ARSG: variants seen among roughly 807,000 people sequenced by gnomAD.
The protein encoded by ARSG is arylsulfatase G, also known as ASG.
Under a neutral mutation model 50.5 loss-of-function variants are expected in ARSG, and 37 were observed. That is an observed-to-expected ratio of 0.73 (90% CI 0.56 to 0.96). ARSG has a LOEUF of 0.96. ARSG is among the 50% of genes least tolerant of loss of function. ARSG has a pLI of 0.00. For missense variants in ARSG, 629 were observed against 675.3 expected, an observed-to-expected ratio of 0.93 and a Z score of 0.76; for synonymous variants, 225 against 254.6, an observed-to-expected ratio of 0.88 and a Z score of 1.11.
chr17:68,427,927 T>C, the ARSG span, among the ~76,000 whole-genome samples: 6 of 152,202 alleles, frequency 3.9e-5, no homozygotes, highest in Non-Finnish European at 8.8e-5. Flanking sequence ...TCTCACTCTG[T>C]TGCCCAGGCT....
At chr17:68,330,277 G>A (rs2077673201) in intron 2 of ARSG, among the ~76,000 whole-genome samples, 1 of 151,106 alleles carries the variant, frequency 6.6e-6, no homozygotes, top group Non-Finnish European at 1.5e-5. Flanking sequence ...GAGGGGAGGG[G>A]GAATTGGAGA....
intron 8 of ARSG, among the ~76,000 whole-genome samples, chr17:68,375,421 C>A (rs1349922581): frequency 2.6e-5 from 4 of 152,196 alleles, no homozygotes; most frequent in African/African-American, 7.2e-5. Flanking sequence ...CAGAAGCACT[C>A]AGGATGGGTC....
chr17:68,303,038 T>C (rs991907089), intron 1 of ARSG, among the ~76,000 whole-genome samples: 5 of 152,228 alleles, frequency 3.3e-5, no homozygotes, highest in Non-Finnish European at 7.4e-5. Flanking sequence ...AGATAAGATC[T>C]GAGGGTAGCA....
intron 2 of ARSG, among the ~76,000 whole-genome samples, chr17:68,318,038 G>T (rs1390023828): frequency 1.3e-5 from 2 of 151,980 alleles, no homozygotes; most frequent in African/African-American, 4.8e-5. Flanking sequence ...GGTGGAGGTT[G>T]CAGTGAGCTG....
chr17:68,331,095 G>A lies in ARSG; in HGVS notation c.219-12509G>A, dbSNP rs141617257. On this transcript the variant is annotated intron_variant, in intron 2 of 11. Coordinates refer to ENST00000621439, the MANE Select transcript of ARSG (RefSeq NM_001267727.2). ...TGCCTCCTGGGTTCAAGCAATTCTC[G>A]TGTCTCAGCCTCCCGAGTAGCTGGG... 6.7e-3 allele frequency among the ~76,000 whole-genome samples: 1,000 copies of A among 150,034 alleles called. 16 individuals are homozygous for A. The highest frequency in any genetic ancestry group is 0.023 in the African/African-American group (937 of 40,668).
At chr17:68,369,034 T>C (rs1217670103) in intron 7 of ARSG, among the ~76,000 whole-genome samples, 3 of 152,228 alleles carry the variant, frequency 2.0e-5, no homozygotes, top group Non-Finnish European at 4.4e-5. Flanking sequence ...TTGAATGACA[T>C]TGACATTGTG....
chr17:68,377,384 A>G (rs910163738), intron 8 of ARSG, among the ~76,000 whole-genome samples: 1 of 152,174 alleles, frequency 6.6e-6, no homozygotes, highest in Non-Finnish European at 1.5e-5. Flanking sequence ...GAACCTAGCA[A>G]TTGTCAAGGA....
chr17:68,450,889 G>A, the ARSG span: 1 of 1,611,552 alleles, frequency 6.2e-7, no homozygotes, highest in Non-Finnish European at 8.5e-7. Flanking sequence ...TAGACGTCCG[G>A]GATTTCATCT....
At chr17:68,311,401 C>T (rs1430786642) in intron 2 of ARSG, among the ~76,000 whole-genome samples, 1 of 152,168 alleles carries the variant, frequency 6.6e-6, no homozygotes, top group African/African-American at 2.4e-5. Flanking sequence ...TCTGTGGTGG[C>T]TGTTCAATCA....
intron 7 of ARSG, among the ~76,000 whole-genome samples, chr17:68,369,558 C>T (rs551073736): frequency 2.0e-5 from 3 of 151,926 alleles, no homozygotes; most frequent in South Asian, 2.1e-4. Context: ...AAAAGCACTG[C>T]TTTCGGGTCA....
At chr17:68,434,303 C>T in the ARSG span, among the ~76,000 whole-genome samples, 12 of 152,206 alleles carry the variant, frequency 7.9e-5, no homozygotes, top group Non-Finnish European at 1.6e-4. Flanking sequence ...TCTCATTTCT[C>T]CTGTGCCGGC....
chr17:68,355,064 T>A (rs994155351), intron 5 of ARSG, among the ~76,000 whole-genome samples: 2 of 152,224 alleles, frequency 1.3e-5, no homozygotes, highest in Non-Finnish European at 2.9e-5. Context: ...CTGTCTGCAT[T>A]GCTCTCAGCT....
chr17:68,305,793 C>T (rs1021181718), intron 1 of ARSG, among the ~76,000 whole-genome samples: 28 of 151,962 alleles, frequency 1.8e-4, no homozygotes, highest in Admixed American at 1.8e-3. Flanking sequence ...TTTGGCTGGG[C>T]CTGGGTGTGG....
At chr17:68,446,995 T>G in the ARSG span, among the ~76,000 whole-genome samples, 2 of 152,232 alleles carry the variant, frequency 1.3e-5, no homozygotes, top group African/African-American at 4.8e-5. Flanking sequence ...ATGCTGCTGA[T>G]TGCTTTTTTA....
intron 2 of ARSG, among the ~76,000 whole-genome samples, chr17:68,329,798 G>A (rs949448514): frequency 1.2e-4 from 18 of 152,104 alleles, no homozygotes; most frequent in Admixed American, 3.3e-4. Flanking sequence ...TAACATTAAC[G>A]ATAACTGATA....
intron 1 of ARSG, chr17:68,278,415 C>T: frequency 6.8e-6 from 5 of 733,420 alleles, no homozygotes; most frequent in South Asian, 3.5e-5. Context: ...CAGATAAGAA[C>T]TACTTACCCC....
At chr17:68,331,954 G>A (rs945773654) in intron 2 of ARSG, among the ~76,000 whole-genome samples, 1 of 152,132 alleles carries the variant, frequency 6.6e-6, no homozygotes, top group African/African-American at 2.4e-5. Context: ...TCACAGGACC[G>A]AGGCAAAATT....
intron 11 of ARSG, among the ~76,000 whole-genome samples, chr17:68,417,555 C>T (rs2082450483): frequency 1.3e-5 from 2 of 151,712 alleles, no homozygotes; most frequent in African/African-American, 4.8e-5. Context: ...AGCAATTTGT[C>T]AATTACAGTT....
intron 1 of ARSG, among the ~76,000 whole-genome samples, chr17:68,295,179 G>A (rs2076162170): frequency 6.6e-6 from 1 of 152,102 alleles, no homozygotes; most frequent in Non-Finnish European, 1.5e-5. Context: ...GGGAGAACTG[G>A]CAAGGGGTGC....
Sources: gnomAD v4.1 joint callset for allele counts (sites outside exome capture counted in the v4.1 genomes callset) on GRCh38, gnomAD v4.1.1 for gene constraint, MANE v1.5 for transcripts, NCBI Gene and HGNC (gene_info 2026-07-23, HGNC 2026-07-21) for gene names.